Variants in STAG2 observed in about 807,000 individuals in gnomAD.
STAG2 encodes the protein cohesin subunit SA-2.
In STAG2, 14 loss-of-function variants were observed where a neutral mutation model predicts 108.1. The ratio of observed to expected loss-of-function variants is 0.13; its 90% CI spans 0.09 to 0.20. The LOEUF (loss-of-function observed/expected upper bound fraction) is 0.20. STAG2 is among the 10% of genes least tolerant of loss of function. The pLI, the probability that STAG2 is intolerant of heterozygous loss-of-function variation, is 1.00. For synonymous variants in STAG2, 307 were observed against 302.7 expected, an observed-to-expected ratio of 1.01 and a Z score of -0.15; for missense variants, 440 against 940.9, an observed-to-expected ratio of 0.47 and a Z score of 6.96.
At chrX:124,093,270 G>A (rs1281135529) in intron 32 of STAG2, among the ~76,000 whole-genome samples, 1 of 111,218 alleles carries the variant, frequency 9.0e-6, no homozygotes, top group African/African-American at 3.3e-5. Context: ...TAGGGCACAC[G>A]AATCTGAAGT....
rs149900499 is a variant in STAG2 at position 124,040,995 on chromosome X, C to T, written c.386-1574C>T. Among the ~76,000 whole-genome samples the T allele has an allele frequency of 2.4e-3, 253 of 105,643 alleles. 1 individual carries two copies. Among genetic ancestry groups the T allele is most frequent in the African/African-American group, 8.0e-3 (230 of 28,910 alleles). 91.7% of individuals were successfully genotyped at this position (105,643 alleles called of 115,157 possible). On this transcript the variant is annotated intron_variant, in intron 6 of 34. Coordinates refer to ENST00000371145, the MANE Select transcript of STAG2 (RefSeq NM_001042750.2). ...CCTACCTCAGCCTCCCAAGTAGCTG[C>T]GATTACAGGCATGCCCAGCTAATTT...
intron 6 of STAG2, among the ~76,000 whole-genome samples, chrX:124,041,146 C>T (rs1334987209): frequency 1.8e-5 from 2 of 109,536 alleles, no homozygotes; most frequent in Non-Finnish European, 3.8e-5. Context: ...CCACCGCACC[C>T]GGCCAAGAGT....
At chrX:123,993,390 G>A (rs1329783045) in intron 1 of STAG2, among the ~76,000 whole-genome samples, 2 of 111,498 alleles carry the variant, frequency 1.8e-5, no homozygotes, top group Non-Finnish European at 3.8e-5. Context: ...TTTCAATCTC[G>A]CTTACCTTAA....
chrX:124,014,122 TA>T (rs2056617958), intron 1 of STAG2, among the ~76,000 whole-genome samples: 1 of 111,474 alleles, frequency 9.0e-6, no homozygotes, highest in Non-Finnish European at 1.9e-5. Flanking sequence ...GCACCTACTA[TA>T]ATACGCTTAA....
intron 6 of STAG2, among the ~76,000 whole-genome samples, chrX:124,040,949 C>G (rs764141230): frequency 1.0e-5 from 1 of 100,007 alleles, no homozygotes; most frequent in African/African-American, 3.7e-5. Context: ...CAACCTCTGC[C>G]TCCCAGATTC....
intron 1 of STAG2, among the ~76,000 whole-genome samples, chrX:123,965,057 G>A (rs922631412): frequency 9.5e-6 from 1 of 105,297 alleles, no homozygotes; most frequent in Non-Finnish European, 1.9e-5. Flanking sequence ...TCACAGTTCC[G>A]AAAGGAATCC....
intron 6 of STAG2, among the ~76,000 whole-genome samples, chrX:124,038,222 G>A (rs1056437418): frequency 2.4e-4 from 27 of 111,375 alleles, no homozygotes; most frequent in African/African-American, 8.5e-4. Context: ...GAAGTATTTA[G>A]GACAAACATT....
Position 124,045,328 on chromosome X carries a change from C to T in STAG2, c.627C>T (p.Asp209=), listed in dbSNP as rs1194653576. Residue 209 remains aspartate, a synonymous_variant, in exon 8 of 35, where the codon GAC becomes GAT. Coordinates refer to ENST00000371145, the MANE Select transcript of STAG2 (RefSeq NM_001042750.2). ...TTTCACTTCTTACAGGATTGTCTGA[C>T]TCACAAGTCAGAGCATTTCGACATA... is the stretch of plus-strand genomic sequence containing the variant. ...TVISLLTGLS[D]SQVRAFRHTS... The T allele has an allele frequency of 2.5e-6, 3 of 1,207,925 alleles. No individual in the cohort carries two copies. The highest frequency in any genetic ancestry group is 3.4e-6 in the Non-Finnish European group (3 of 894,448).
At chrX:123,984,165 G>GA (rs1345656431) in intron 1 of STAG2, among the ~76,000 whole-genome samples, 4 of 107,375 alleles carry the variant, frequency 3.7e-5, no homozygotes, top group African/African-American at 1.4e-4. Flanking sequence ...TTTTAGTAGA[G>GA]ACGGGGTTCT....
At chrX:124,007,211 C>T (rs1476153413) in intron 1 of STAG2, among the ~76,000 whole-genome samples, 1 of 105,257 alleles carries the variant, frequency 9.5e-6, no homozygotes, top group African/African-American at 3.5e-5. Flanking sequence ...GAGAACAGGT[C>T]TCGCTGTGTT....
At chrX:124,007,292 C>T (rs891733312) in intron 1 of STAG2, among the ~76,000 whole-genome samples, 7 of 111,313 alleles carry the variant, frequency 6.3e-5, no homozygotes, top group Non-Finnish European at 1.1e-4. Context: ...GCTGGGATTA[C>T]AAGTGTGAGC....
At chrX:124,007,343 A>G (rs1033471542) in intron 1 of STAG2, among the ~76,000 whole-genome samples, 1 of 110,969 alleles carries the variant, frequency 9.0e-6, no homozygotes, top group Non-Finnish European at 1.9e-5. Context: ...TTGTCCTTAA[A>G]ATTCTTCCCA....
At chrX:123,993,687 AG>A (rs1179651202) in intron 1 of STAG2, among the ~76,000 whole-genome samples, 1 of 111,661 alleles carries the variant, frequency 9.0e-6, no homozygotes, top group African/African-American at 3.3e-5. Flanking sequence ...TCCATGACTT[AG>A]AATAGCTTTT....
chrX:124,095,503 C>A, intron 34 of STAG2, 54 bp downstream of exon 34: 1 of 998,470 alleles, frequency 1.0e-6, no homozygotes, highest in Non-Finnish European at 1.4e-6. Context: ...TATAGGCAGT[C>A]TCTCAGTTTG....
chrX:123,983,974 CTTTTTTTTT>C (rs199881082), intron 1 of STAG2, among the ~76,000 whole-genome samples: 1 of 61,478 alleles, frequency 1.6e-5, no homozygotes, highest in Non-Finnish European at 2.8e-5. Flanking sequence ...CTTTTCTTTT[CTTTTTTTTT>C]TTTTTTTTTT....
chrX:123,974,719 C>T (rs1425484645), intron 1 of STAG2, among the ~76,000 whole-genome samples: 1 of 108,630 alleles, frequency 9.2e-6, no homozygotes, highest in Non-Finnish European at 1.9e-5. Flanking sequence ...GCTGGGATTA[C>T]AGGTGCATGC....
chrX:123,972,852 C>T (rs1406396568), intron 1 of STAG2, among the ~76,000 whole-genome samples: 1 of 75,385 alleles, frequency 1.3e-5, no homozygotes, highest in Non-Finnish European at 2.5e-5. Flanking sequence ...AACTCCCCCC[C>T]TCTACCAAAA....
intron 7 of STAG2, among the ~76,000 whole-genome samples, chrX:124,043,279 C>T (rs1042191057): frequency 1.9e-5 from 2 of 108,048 alleles, no homozygotes; most frequent in Admixed American, 2.0e-4. Flanking sequence ...CAGGCACCCA[C>T]CACCACACCT....
At chrX:123,989,870 G>A (rs2055366489) in intron 1 of STAG2, among the ~76,000 whole-genome samples, 1 of 111,027 alleles carries the variant, frequency 9.0e-6, no homozygotes, top group Admixed American at 9.6e-5. Flanking sequence ...CCAAAGTGCT[G>A]GGATTACAGG....
Sources: gnomAD v4.1 joint callset for allele counts (sites outside exome capture counted in the v4.1 genomes callset) on GRCh38, gnomAD v4.1.1 for gene constraint, MANE v1.5 for transcripts, NCBI Gene and HGNC (gene_info 2026-07-23, HGNC 2026-07-21) for gene names.